The following CFAP54 variants were observed in gnomAD, a reference collection of about 807,000 sequenced individuals.
CFAP54 encodes the protein cilia- and flagella-associated protein 54.
In CFAP54, 290 loss-of-function variants were observed where a neutral mutation model predicts 370.4. The ratio of observed to expected loss-of-function variants is 0.78; its 90% CI spans 0.71 to 0.86. The LOEUF is 0.86. Among genes scored for constraint, CFAP54 ranks in the 40% least tolerant of loss-of-function variants. CFAP54 has a pLI of 0.00. For missense variants in CFAP54, 3,399 were observed against 3,528.7 expected (o/e 0.96, Z 0.93); for synonymous variants, 1,206 against 1,236.5 (o/e 0.98, Z 0.52).
At chr12:96,835,048 C>T (rs570317616) in intron 66 of CFAP54, among the ~76,000 whole-genome samples, 2 of 152,128 alleles carry the variant, frequency 1.3e-5, no homozygotes, top group Admixed American at 1.3e-4. Flanking sequence ...CTGCAACTCT[C>T]AGCAGAGAGG....
intron 55 of CFAP54, among the ~76,000 whole-genome samples, chr12:96,747,489 T>G (rs1464719180): frequency 3.3e-5 from 5 of 152,212 alleles, no homozygotes; most frequent in African/African-American, 1.2e-4. Flanking sequence ...TAATGAAAAT[T>G]AAGCATTTAG....
intron 26 of CFAP54, among the ~76,000 whole-genome samples, chr12:96,621,029 A>T (rs1436371991): frequency 1.3e-5 from 2 of 152,228 alleles, no homozygotes; most frequent in East Asian, 3.8e-4. Flanking sequence ...GTGAGAGGCT[A>T]AATAGGCCTC....
intron 66 of CFAP54, among the ~76,000 whole-genome samples, chr12:96,832,454 T>C (rs1242832879): frequency 6.6e-6 from 1 of 152,064 alleles, no homozygotes; most frequent in African/African-American, 2.4e-5. Context: ...AGTTTTCTCA[T>C]ATGTAAAAAA....
chr12:96,547,437 C>T (rs535554541), intron 14 of CFAP54, among the ~76,000 whole-genome samples: 12 of 152,144 alleles, frequency 7.9e-5, no homozygotes, highest in East Asian at 3.9e-4. Context: ...CTACTTGCCT[C>T]GGCATCCCAA....
At chr12:96,647,817 C>T in intron 33 of CFAP54, 58 bp from the exon 34 acceptor site, 1 of 1,371,976 alleles carries the variant, frequency 7.3e-7, no homozygotes, top group South Asian at 1.5e-5. Flanking sequence ...TTGCATTTGA[C>T]AGATTTAATT....
chr12:96,608,958 A>G (rs895580278), intron 26 of CFAP54, among the ~76,000 whole-genome samples: 3 of 152,260 alleles, frequency 2.0e-5, no homozygotes, highest in Non-Finnish European at 4.4e-5. Context: ...AATGTGAGGG[A>G]ATTCAGAAGA....
chr12:96,771,468 C>T (rs900894453), intron 60 of CFAP54, among the ~76,000 whole-genome samples: 37 of 152,216 alleles, frequency 2.4e-4, no homozygotes, highest in East Asian at 1.4e-3. Flanking sequence ...CTGGCTAACA[C>T]GGTGAAACCC....
intron 50 of CFAP54, among the ~76,000 whole-genome samples, chr12:96,731,155 C>T (rs1269358799): frequency 6.6e-6 from 1 of 152,198 alleles, no homozygotes; most frequent in Non-Finnish European, 1.5e-5. Flanking sequence ...GCAGCAGCCC[C>T]AAACTGTACT....
rs183188795 is a variant in CFAP54 at position 96,606,030 on chromosome 12, A to G, written c.3639+7263A>G. ...TTTAAAAAGAAACCAACATCATCTC[A>G]CAGAGCTTGTGATTTAGTGGGGGGG... is the stretch of plus-strand genomic sequence containing the variant. On this transcript the variant is annotated intron_variant, in intron 26 of 67. Coordinates refer to ENST00000524981, the MANE Select transcript of CFAP54 (RefSeq NM_001306084.2). Among the ~76,000 whole-genome samples the G allele has an allele frequency of 3.6e-3, 496 of 138,894 alleles. 4 individuals are homozygous for G. Among genetic ancestry groups the G allele is most frequent in the African/African-American group, 0.013 (470 of 36,778 alleles). The allele number at this position is 138,894 out of a possible 152,430, so 91.1% of individuals were successfully genotyped here.
intron 19 of CFAP54, among the ~76,000 whole-genome samples, chr12:96,567,455 A>G (rs1372619657): frequency 6.6e-6 from 1 of 152,100 alleles, no homozygotes; most frequent in Non-Finnish European, 1.5e-5. Context: ...TGAATGAGGA[A>G]GTTGGATGGT....
intron 8 of CFAP54, among the ~76,000 whole-genome samples, 174 bp downstream of exon 8, chr12:96,522,363 C>T (rs1470393360): frequency 6.6e-6 from 1 of 152,236 alleles, no homozygotes; most frequent in African/African-American, 2.4e-5. Context: ...CTCGCTTCAT[C>T]TCTTTCTCAA....
At chr12:96,590,165 C>T (rs1474843729) in intron 23 of CFAP54, among the ~76,000 whole-genome samples, 1 of 152,162 alleles carries the variant, frequency 6.6e-6, no homozygotes, top group Non-Finnish European at 1.5e-5. Flanking sequence ...CACAAATATT[C>T]ATTGGGAACT....
chr12:96,647,432 C>T (rs1321103742), intron 33 of CFAP54, among the ~76,000 whole-genome samples: 1 of 128,942 alleles, frequency 7.8e-6, no homozygotes, highest in Non-Finnish European at 1.6e-5. Context: ...GATATCGCGC[C>T]ACTGCACTCC....
At chr12:96,498,004 A>G (rs1391705720) in intron 1 of CFAP54, among the ~76,000 whole-genome samples, 1 of 152,226 alleles carries the variant, frequency 6.6e-6, no homozygotes, top group Non-Finnish European at 1.5e-5. Context: ...GCGAGATCCA[A>G]GAGCCCTCTC....
At chr12:96,583,798 T>A (rs73237125) in intron 22 of CFAP54, among the ~76,000 whole-genome samples, 6,452 of 152,258 alleles carry the variant, frequency 0.042, 176 homozygotes, top group South Asian at 0.13. Context: ...ATTGGACACC[T>A]AACATGTGCC....
At position 96,621,688 on chromosome 12, in the gene CFAP54, T is replaced by A; in HGVS notation, c.3738T>A (p.Asp1246Glu). The A allele has an allele frequency of 6.5e-7, 1 of 1,527,556 alleles. No individual in the cohort carries two copies. The highest frequency in any genetic ancestry group is 8.8e-7 in the Non-Finnish European group (1 of 1,142,318). 94.6% of individuals were successfully genotyped at this position (1,527,556 alleles called of 1,614,324 possible). ...DITPGCKSLF[D>E]GSNEQEEMPE... is the part of the protein sequence containing the mutation. ...CACCAGGATGCAAGTCTCTGTTTGA[T>A]GGTAGTAATGAACAAGAAGAAATGC... The change falls in exon 27 of 68, where the codon GAT becomes GAA. Residue 1246 changes from aspartate (D) to glutamate (E), a missense_variant. Physicochemically the swap from Asp to Glu is conservative, Grantham distance 45 (BLOSUM62 2). Transcript: ENST00000524981.
chr12:96,856,192 C>T (rs771346437), intron 66 of CFAP54, among the ~76,000 whole-genome samples: 5 of 152,180 alleles, frequency 3.3e-5, no homozygotes, highest in African/African-American at 7.2e-5. Flanking sequence ...CTGGACCCGG[C>T]CCCTGAAGCC....
intron 55 of CFAP54, among the ~76,000 whole-genome samples, chr12:96,746,742 A>C (rs1400127568): frequency 1.3e-5 from 2 of 152,124 alleles, no homozygotes; most frequent in Non-Finnish European, 2.9e-5. Flanking sequence ...CACGTGATGC[A>C]TGCGGTGCTG....
chr12:96,647,999 A>T lies in CFAP54; in HGVS notation c.4672A>T (p.Lys1558Ter). The T allele has an allele frequency of 6.6e-7, 1 of 1,506,014 alleles. No homozygotes were observed. The highest frequency in any genetic ancestry group is 2.5e-5 in the East Asian group (1 of 40,240). The allele number at this position is 1,506,014 out of a possible 1,614,324, so 93.3% of individuals were successfully genotyped here. A position where few individuals can be genotyped will look rare whatever the true frequency, so the allele number is the denominator to read the frequency against. The change falls in exon 34 of 68, where the codon AAG becomes TAG. Residue 1558 changes from lysine to a stop codon, truncating the protein, a stop_gained. Coordinates refer to ENST00000524981, the MANE Select transcript of CFAP54 (RefSeq NM_001306084.2). LOFTEE classifies it high-confidence loss of function. ...TTTCCTTCTTACAGCCAAAAAAAGA[A>T]AGGCCAACTTACCATCAGGTAAAAT... Reference protein sequence around the residue: ...LDFLLTAKKRKANLPSDAEEF... With the variant: ...LDFLLTAKKR
Sources: gnomAD v4.1 joint callset for allele counts (sites outside exome capture counted in the v4.1 genomes callset) on GRCh38, gnomAD v4.1.1 for gene constraint, MANE v1.5 for transcripts, NCBI Gene and HGNC (gene_info 2026-07-23, HGNC 2026-07-21) for gene names.